Variants in DNAH10 observed in about 807,000 individuals in gnomAD.
The protein encoded by DNAH10 is axonemal beta dynein heavy chain 10.
DNAH10 carries 348 observed loss-of-function variants against 506.6 expected under a neutral mutation model. That is an observed-to-expected ratio of 0.69 (90% CI 0.63 to 0.75). The LOEUF is 0.75. Among genes scored for constraint, DNAH10 ranks in the 30% least tolerant of loss-of-function variants. DNAH10 has a pLI of 0.00. For synonymous variants in DNAH10, 2,059 were observed against 2,198.6 expected, an observed-to-expected ratio of 0.94 and a Z score of 1.78; for missense variants, 5,179 against 5,787.1, an observed-to-expected ratio of 0.89 and a Z score of 3.41.
intron 76 of DNAH10, 103 bp from the exon 77 acceptor site, chr12:123,933,228 G>A: frequency 1.7e-6 from 2 of 1,164,434 alleles, no homozygotes; most frequent in East Asian, 3.1e-5. Flanking sequence ...TTGCCACTTA[G>A]GTGAAATATG....
chr12:123,790,137 A>G lies in DNAH10; in HGVS notation c.1815+16A>G, dbSNP rs1382872651. The G allele has an allele frequency of 3.1e-6, 5 of 1,612,796 alleles. No homozygotes were observed. Among genetic ancestry groups the G allele is most frequent in the East Asian group, 4.5e-5 (2 of 44,856 alleles). On this transcript the variant is annotated intron_variant, in intron 11 of 78. Transcript: ENST00000673944. ...TGAAGTTCTGGCAAGTGACACGTCCATTGAGTCCATCTTGGGAGTCGACAC... is the reference window on the plus strand; with the variant it reads ...TGAAGTTCTGGCAAGTGACACGTCCGTTGAGTCCATCTTGGGAGTCGACAC...
chr12:123,855,744 C>CA (rs1951362229), intron 36 of DNAH10, among the ~76,000 whole-genome samples: 1 of 150,892 alleles, frequency 6.6e-6, no homozygotes, highest in African/African-American at 2.4e-5. Context: ...CGTAGATGGC[C>CA]ATACCCCTCT....
chr12:123,857,058 C>T lies in DNAH10; in HGVS notation c.6441C>T (p.Asp2147=), dbSNP rs202200578. 38 of 1,606,186 alleles carry T rather than the reference C, an allele frequency of 2.4e-5. No individual in the cohort carries two copies. Among genetic ancestry groups the T allele is most frequent in the African/African-American group, 1.5e-4 (11 of 74,644 alleles). ...LKRGSSDLRE[D]VVLMRALRDM... Reference sequence around the variant, plus strand: ...AACATGTGTTTCATTTCCTGCAGGACGTGGTGCTGATGAGGGCCTTGCGAG... The same window carrying T: ...AACATGTGTTTCATTTCCTGCAGGATGTGGTGCTGATGAGGGCCTTGCGAG... Residue 2147 remains aspartate, a splice_region_variant and synonymous_variant, in exon 37 of 79, where the codon GAC becomes GAT. Transcript: ENST00000673944.
Position 123,898,826 on chromosome 12 carries a change from CGGGGCCAG to C in DNAH10, c.9640+15_9640+22del, listed in dbSNP as rs1953381561. The C allele has an allele frequency of 6.3e-7, 1 of 1,595,702 alleles. No homozygotes were observed. Among genetic ancestry groups the C allele is most frequent in the Admixed American group, 1.7e-5 (1 of 58,596 alleles). On this transcript the variant is annotated intron_variant, in intron 56 of 78. Transcript: ENST00000673944. ...CAACACCGCTGTAGGTGAGTGAGGG[CGGGGCCAG>C]GGCAGCCCATCCCCAACACCCAATA...
At chr12:123,896,148 C>CACACAGAGAGAGAGAG (rs1383690518) in intron 54 of DNAH10, among the ~76,000 whole-genome samples, 9 of 95,320 alleles carry the variant, frequency 9.4e-5, no homozygotes, top group South Asian at 3.7e-4. Flanking sequence ...CACACACACA[C>CACACAGAGAGAGAGAG]AGAGAGAGAG....
At chr12:123,921,374 A>G (rs1292948513) in intron 65 of DNAH10, among the ~76,000 whole-genome samples, 2 of 152,208 alleles carry the variant, frequency 1.3e-5, no homozygotes, top group Non-Finnish European at 2.9e-5. Context: ...TTTACCCTCA[A>G]CTATGCCTGG....
At chr12:123,821,129 A>G (rs907365788) in intron 24 of DNAH10, among the ~76,000 whole-genome samples, 2 of 152,136 alleles carry the variant, frequency 1.3e-5, no homozygotes, top group African/African-American at 4.8e-5. Flanking sequence ...AGGTGCCTGT[A>G]ATCCCAGCTA....
intron 12 of DNAH10, among the ~76,000 whole-genome samples, chr12:123,795,823 AG>A (rs1318884749): frequency 2.0e-5 from 3 of 152,158 alleles, no homozygotes; most frequent in African/African-American, 7.2e-5. Context: ...TGGTGACTGT[AG>A]TCAATAACCT....
At chr12:123,810,632 G>A (rs1262798396) in intron 19 of DNAH10, among the ~76,000 whole-genome samples, 1 of 152,060 alleles carries the variant, frequency 6.6e-6, no homozygotes, top group African/African-American at 2.4e-5. Context: ...GGCAGAGCTT[G>A]CAGCGAGCCG....
chr12:123,857,710 G>A (rs1951452050), intron 37 of DNAH10, among the ~76,000 whole-genome samples: 1 of 152,222 alleles, frequency 6.6e-6, no homozygotes, highest in African/African-American at 2.4e-5. Flanking sequence ...CCTGGTGAGA[G>A]AGCGAGACTC....
chr12:123,891,815 C>T (rs973953403), intron 52 of DNAH10, among the ~76,000 whole-genome samples: 1 of 152,132 alleles, frequency 6.6e-6, no homozygotes, highest in Non-Finnish European at 1.5e-5. Flanking sequence ...GTCATTACAG[C>T]AAAAGGACAC....
At chr12:123,875,741 C>T (rs144552662) in intron 47 of DNAH10, among the ~76,000 whole-genome samples, 5 of 152,228 alleles carry the variant, frequency 3.3e-5, no homozygotes, top group South Asian at 2.1e-4. Context: ...GCCTTGGGCC[C>T]GTGGGAGTCC....
At chr12:123,774,409 G>C in intron 5 of DNAH10, 145 bp downstream of exon 5, 1 of 569,786 alleles carries the variant, frequency 1.8e-6, no homozygotes, top group Non-Finnish European at 3.0e-6. Flanking sequence ...CGGTTGGGGA[G>C]ACCCTAACCC....
Position 123,830,156 on chromosome 12 carries a change from C to T in DNAH10, c.4392-390C>T, listed in dbSNP as rs192481293. On this transcript the variant is annotated intron_variant, in intron 25 of 78. Transcript: ENST00000673944. ...TCCACTGCCTGGCACGGAGTCAGCA[C>T]TGAAATATTTATCAAATGCACGAGA... Among the ~76,000 whole-genome samples the T allele has an allele frequency of 2.0e-3, 311 of 152,292 alleles. 1 individual carries two copies. Among genetic ancestry groups the T allele is most frequent in the Middle Eastern group, 3.4e-3 (1 of 294 alleles).
chr12:123,845,626 G>T lies in DNAH10; in HGVS notation c.5387G>T (p.Gly1796Val). ...GTCGACTGGATGCTCCTGTACCAGG[G>T]CATGGTGGTGCTGGCCGCTAGCCAG... is the stretch of plus-strand genomic sequence containing the variant. Reference protein sequence around the residue: ...SRVDWMLLYQGMVVLAASQVW... With the variant: ...SRVDWMLLYQVMVVLAASQVW... The change falls in exon 31 of 79, where the codon GGC (glycine) becomes GTC (valine). Residue 1796 changes from glycine (G) to valine (V), a missense_variant. Gly to Val is a moderately radical substitution (Grantham distance 109, BLOSUM62 -3). Transcript: ENST00000673944. 2 of 1,613,374 alleles carry T rather than the reference G, an allele frequency of 1.2e-6. No homozygotes were observed. The highest frequency in any genetic ancestry group is 1.7e-6 in the Non-Finnish European group (2 of 1,179,872).
Position 123,848,776 on chromosome 12 carries a change from G to T in DNAH10, c.5996G>T (p.Gly1999Val). ...FSGLAQCGAWGCFDEFNRIDA... is the reference protein window; with the variant it reads ...FSGLAQCGAWVCFDEFNRIDA... Reference sequence around the variant, plus strand: ...GGCCTGGCACAGTGCGGGGCTTGGGGCTGCTTTGATGAGTTTAATCGAATC... The same window carrying T: ...GGCCTGGCACAGTGCGGGGCTTGGGTCTGCTTTGATGAGTTTAATCGAATC... Residue 1999 changes from glycine (G) to valine (V), a missense_variant, in exon 34 of 79, where the codon GGC becomes GTC. This residue lies in a region of DNAH10 where 4,844 missense variants were observed against 5,430.5 expected (regional missense o/e 0.89). Coordinates refer to ENST00000673944, the MANE Select transcript of DNAH10 (RefSeq NM_001372106.1). 6.2e-7 allele frequency: 1 copy of T among 1,613,988 alleles called. No individual in the cohort carries two copies. The highest frequency in any genetic ancestry group is 8.5e-7 in the Non-Finnish European group (1 of 1,179,872).
intron 67 of DNAH10, among the ~76,000 whole-genome samples, chr12:123,924,636 G>A (rs1446875858): frequency 7.0e-6 from 1 of 143,240 alleles, no homozygotes; most frequent in East Asian, 1.9e-4. Context: ...CTACCTGTCC[G>A]TCCGTCCATC....
At chr12:123,810,711 A>G (rs975017648) in intron 19 of DNAH10, among the ~76,000 whole-genome samples, 1 of 152,186 alleles carries the variant, frequency 6.6e-6, no homozygotes, top group Non-Finnish European at 1.5e-5. Flanking sequence ...AAAATGTTGA[A>G]TAAACGGTAC....
In DNAH10 at chr12:123,881,621, G is replaced by A. The variant is rs747778534; in HGVS notation, c.8635-4G>A. On this transcript the variant is annotated splice_region_variant and splice_polypyrimidine_tract_variant and intron_variant, in intron 50 of 78. Transcript: ENST00000673944. ...TTGAATTCTTTTTTTTTTTTTAAAT[G>A]CAGGAAATTCTTGAAGAGTATAATG... 45 of 1,505,258 alleles carry A rather than the reference G, an allele frequency of 3.0e-5. No homozygotes were observed. Among genetic ancestry groups the A allele is most frequent in the Non-Finnish European group, 3.7e-5 (42 of 1,132,080 alleles). The allele number at this position is 1,505,258 out of a possible 1,614,324, so 93.2% of individuals were successfully genotyped here.
Sources: allele counts gnomAD v4.1 joint callset (sites outside exome capture counted in the v4.1 genomes callset), GRCh38; gene constraint gnomAD v4.1.1; regional missense constraint gnomAD v4.1.1; transcripts MANE v1.5; gene names NCBI Gene and HGNC (gene_info 2026-07-23, HGNC 2026-07-21).